Variants in NRXN1 observed in about 807,000 individuals in gnomAD.
NRXN1 encodes neurexin-1.
Under a neutral mutation model 150.9 loss-of-function variants are expected in NRXN1, and 39 were observed. That is an observed-to-expected ratio of 0.26 (90% CI 0.20 to 0.34). The LOEUF (loss-of-function observed/expected upper bound fraction) is 0.34, where lower values mean the gene tolerates loss of function less well. Among genes scored for constraint, NRXN1 ranks in the 10% least tolerant of loss-of-function variants. The probability of loss-of-function intolerance (pLI) is 1.00; values close to 1 mark genes in which losing one functional copy is unlikely to be tolerated. For missense variants in NRXN1, 1,815 were observed against 1,949.9 expected, an observed-to-expected ratio of 0.93 and a Z score of 1.30; for synonymous variants, 924 against 757.0, an observed-to-expected ratio of 1.22 and a Z score of -3.62.
intron 18 of NRXN1, among the ~76,000 whole-genome samples, chr2:50,094,341 G>A (rs1304996555): frequency 6.6e-6 from 1 of 152,158 alleles, no homozygotes; most frequent in African/African-American, 2.4e-5. Flanking sequence ...AAGGCAAGAG[G>A]AGACTGACAA....
intron 5 of NRXN1, among the ~76,000 whole-genome samples, chr2:50,755,852 T>C (rs1231392501): frequency 6.6e-6 from 1 of 151,806 alleles, no homozygotes; most frequent in East Asian, 1.9e-4. Flanking sequence ...TGAAGACCAA[T>C]CCTGAAGGTG....
chr2:50,311,262 TTA>T (rs2075157301), intron 17 of NRXN1, among the ~76,000 whole-genome samples: 1 of 152,090 alleles, frequency 6.6e-6, no homozygotes. Context: ...ACTTTTCAAT[TTA>T]ACAAAATATC....
At chr2:50,666,978 T>C (rs1032239983) in intron 5 of NRXN1, among the ~76,000 whole-genome samples, 5 of 151,844 alleles carry the variant, frequency 3.3e-5, no homozygotes, top group African/African-American at 1.2e-4. Flanking sequence ...TGAGAGTATA[T>C]AAAAGAGAAA....
chr2:49,921,714 G>A lies in NRXN1; in HGVS notation c.*230C>T, dbSNP rs1668227674. On this transcript the variant is annotated 3_prime_UTR_variant, in exon 23 of 23. Transcript: ENST00000401669. ...GACAAGCAGAGTAAATGAAAACACT[G>A]TGGATGTTAGGGAATTTATTGGCCC... 1.9e-6 allele frequency: 1 copy of A among 537,842 alleles called. No individual in the cohort carries two copies. Among genetic ancestry groups the A allele is most frequent in the Non-Finnish European group, 3.3e-6 (1 of 305,510 alleles). 33.3% of individuals were successfully genotyped at this position (537,842 alleles called of 1,614,324 possible).
chr2:50,426,094 A>G (rs983247527), intron 17 of NRXN1, among the ~76,000 whole-genome samples: 2 of 152,186 alleles, frequency 1.3e-5, no homozygotes, highest in African/African-American at 4.8e-5. Context: ...TATTTGAAAG[A>G]TATGAGTCAT....
intron 19 of NRXN1, among the ~76,000 whole-genome samples, chr2:50,059,291 A>C (rs1295349321): frequency 6.6e-6 from 1 of 152,214 alleles, no homozygotes; most frequent in Non-Finnish European, 1.5e-5. Flanking sequence ...TGGAACATTG[A>C]ACTTGAGAGA....
intron 8 of NRXN1, among the ~76,000 whole-genome samples, chr2:50,615,042 G>A (rs1436347593): frequency 2.6e-5 from 4 of 152,150 alleles, no homozygotes; most frequent in Non-Finnish European, 4.4e-5. Context: ...GAGGGAAAAT[G>A]CTTACAAAAG....
At chr2:50,285,013 T>C (rs1207250235) in intron 17 of NRXN1, among the ~76,000 whole-genome samples, 5 of 152,174 alleles carry the variant, frequency 3.3e-5, no homozygotes, top group Admixed American at 2.6e-4. Flanking sequence ...GTGAAATATA[T>C]ATACATTTAA....
chr2:49,979,605 A>C (rs938737861), intron 21 of NRXN1, among the ~76,000 whole-genome samples: 2 of 152,180 alleles, frequency 1.3e-5, no homozygotes, highest in Non-Finnish European at 2.9e-5. Context: ...GACTTTCAAA[A>C]GACATATGTC....
chr2:50,366,763 C>T (rs1398219684), intron 17 of NRXN1, among the ~76,000 whole-genome samples: 5 of 151,920 alleles, frequency 3.3e-5, no homozygotes, highest in African/African-American at 1.2e-4. Context: ...AATACCAATT[C>T]TGAGATCATG....
chr2:50,652,104 C>A (rs1424583933), intron 5 of NRXN1, among the ~76,000 whole-genome samples: 1 of 151,974 alleles, frequency 6.6e-6, no homozygotes, highest in Non-Finnish European at 1.5e-5. Context: ...TGTTATGTTT[C>A]CATTTTACTT....
intron 18 of NRXN1, among the ~76,000 whole-genome samples, chr2:50,092,275 C>T (rs1195206486): frequency 6.6e-6 from 1 of 152,154 alleles, no homozygotes; most frequent in African/African-American, 2.4e-5. Context: ...TTGCTGTTAA[C>T]TTTAGAATTT....
intron 19 of NRXN1, among the ~76,000 whole-genome samples, chr2:50,083,617 G>A (rs775312091): frequency 3.3e-5 from 5 of 152,142 alleles, no homozygotes; most frequent in African/African-American, 1.2e-4. Flanking sequence ...GCCAGGGCTG[G>A]CTCGGGCAGC....
chr2:50,349,226 T>C (rs1023367169), intron 17 of NRXN1, among the ~76,000 whole-genome samples: 10 of 152,208 alleles, frequency 6.6e-5, no homozygotes, highest in Admixed American at 5.9e-4. Context: ...AACATGATGC[T>C]TTTATCTATT....
At chr2:50,420,711 G>T (rs927818922) in intron 17 of NRXN1, among the ~76,000 whole-genome samples, 1 of 152,036 alleles carries the variant, frequency 6.6e-6, no homozygotes, top group African/African-American at 2.4e-5. Flanking sequence ...TTTTCTGGTT[G>T]TTCGTAATTT....
chr2:50,742,453 C>T (rs1699542165), intron 5 of NRXN1, among the ~76,000 whole-genome samples: 1 of 151,206 alleles, frequency 6.6e-6, no homozygotes, highest in Admixed American at 6.6e-5. Flanking sequence ...CTAAAAATAA[C>T]AAAAATTAGC....
intron 17 of NRXN1, among the ~76,000 whole-genome samples, chr2:50,301,322 T>G (rs932613824): frequency 2.6e-5 from 4 of 152,200 alleles, no homozygotes; most frequent in Admixed American, 2.6e-4. Flanking sequence ...CATTATTATT[T>G]GTGTCTACAG....
At position 50,054,982 on chromosome 2, in the gene NRXN1, C is replaced by G; in HGVS notation, c.3781G>C (p.Val1261Leu). The G allele has an allele frequency of 6.3e-7, 1 of 1,592,366 alleles. No homozygotes were observed. Among genetic ancestry groups the G allele is most frequent in the Non-Finnish European group, 8.5e-7 (1 of 1,171,464 alleles). Residue 1261 changes from valine to leucine, a missense_variant, in exon 20 of 23, where the codon GTA (valine) becomes CTA (leucine). This residue lies in a region of NRXN1 where 5 missense variants were observed against 22.8 expected (regional missense o/e 0.22). Transcript: ENST00000401669. ...RQRIPYRLGRVVDEWLLDKGR... is the reference protein window; with the variant it reads ...RQRIPYRLGRLVDEWLLDKGR... ...TTGTCGAGTAGCCATTCATCAACTA[C>G]TCGACCAAGTCGATATGGAATTCGC...
chr2:50,299,790 T>A lies in NRXN1; in HGVS notation c.3365-62820A>T, dbSNP rs1474078. 2.7e-4 allele frequency among the ~76,000 whole-genome samples: 41 copies of A among 152,170 alleles called. No homozygotes were observed. The South Asian group carries it at 8.1e-3, about 30-fold the overall frequency. On this transcript the variant is annotated intron_variant, in intron 17 of 22. Transcript: ENST00000401669. ...TTCCAGTCCTTTCGAAATGGCTATGTTTTAAATAAAACCTATTTCCTTAGG... is the reference window on the plus strand; with the variant it reads ...TTCCAGTCCTTTCGAAATGGCTATGATTTAAATAAAACCTATTTCCTTAGG...
Sources: gnomAD v4.1 joint callset for allele counts (sites outside exome capture counted in the v4.1 genomes callset) on GRCh38, gnomAD v4.1.1 for gene constraint, gnomAD v4.1.1 regional missense constraint, MANE v1.5 for transcripts, NCBI Gene and HGNC (gene_info 2026-07-23, HGNC 2026-07-21) for gene names.